The following UPP2 variants were observed in gnomAD, a reference collection of about 807,000 sequenced individuals.
UPP2 encodes the protein UPase 2.
A neutral mutation model predicts 26.7 loss-of-function variants in UPP2; 23 were observed. That is an observed-to-expected ratio of 0.86 (90% CI 0.62 to 1.22). UPP2 has a LOEUF of 1.22. Ranked by LOEUF, UPP2 falls within the 50% of genes most tolerant of loss-of-function variation. UPP2 has a pLI of 0.00. For synonymous variants in UPP2, 127 were observed against 141.3 expected (o/e 0.90, Z 0.72); for missense variants, 387 against 396.7 (o/e 0.98, Z 0.21).
intron 3 of UPP2, among the ~76,000 whole-genome samples, chr2:158,095,917 T>C (rs1024322709): frequency 2.0e-5 from 3 of 152,212 alleles, no homozygotes; most frequent in African/African-American, 7.2e-5. Context: ...TTATTTCCAA[T>C]GAAATAGCTT....
intron 3 of UPP2, among the ~76,000 whole-genome samples, chr2:158,044,065 G>A (rs1238533563): frequency 6.6e-6 from 1 of 152,152 alleles, no homozygotes; most frequent in African/African-American, 2.4e-5. Context: ...ATCCAAAGAT[G>A]AGATATAATT....
In UPP2 at chr2:158,115,180, C is replaced by T. The variant is rs372810681; in HGVS notation, c.260C>T (p.Ala87Val). 1 of 1,613,192 alleles carries T rather than the reference C, an allele frequency of 6.2e-7. No homozygotes were observed. The highest frequency in any genetic ancestry group is 8.5e-7 in the Non-Finnish European group (1 of 1,179,778). Residue 87 changes from alanine to valine, a missense_variant, in exon 3 of 7, where the codon GCT becomes GTT. Coordinates refer to ENST00000005756, the MANE Select transcript of UPP2 (RefSeq NM_173355.4). The part of the protein sequence containing the change: ...FMHKELGFEE[A>V]EEDIKDICAG... ...CACAAGGAGCTCGGGTTTGAGGAAG[C>T]TGAAGAAGACATAAAAGACATCTGT...
At chr2:158,051,969 TCCTAACCCATGAGG>T (rs1297333284) in intron 3 of UPP2, among the ~76,000 whole-genome samples, 1 of 152,160 alleles carries the variant, frequency 6.6e-6, no homozygotes, top group Admixed American at 6.5e-5. Flanking sequence ...ATGCTGTCTG[TCCTAACCCATGAGG>T]CCTTCCCAGT....
intron 6 of UPP2, among the ~76,000 whole-genome samples, chr2:158,130,967 C>T (rs192158698): frequency 1.4e-4 from 22 of 152,266 alleles, no homozygotes; most frequent in Admixed American, 1.3e-3. Context: ...CATTGACCAG[C>T]CCCTTTGAAT....
At chr2:158,062,769 A>G (rs2105180069) in intron 3 of UPP2, among the ~76,000 whole-genome samples, 1 of 152,276 alleles carries the variant, frequency 6.6e-6, no homozygotes, top group Non-Finnish European at 1.5e-5. Flanking sequence ...AGGACTATCC[A>G]ATGGATGAGG....
At chr2:158,025,265 G>A (rs1222375391) in intron 3 of UPP2, among the ~76,000 whole-genome samples, 2 of 151,892 alleles carry the variant, frequency 1.3e-5, no homozygotes, top group African/African-American at 4.8e-5. Context: ...GGGTGTGGGT[G>A]TGGAAATGCT....
intron 2 of UPP2, among the ~76,000 whole-genome samples, chr2:158,001,564 C>G (rs904211477): frequency 3.3e-5 from 5 of 152,170 alleles, no homozygotes; most frequent in African/African-American, 1.2e-4. Context: ...CCCAATAGGT[C>G]AGCCTCCTAC....
chr2:158,052,872 C>T (rs1056999449), intron 3 of UPP2, among the ~76,000 whole-genome samples: 13 of 152,096 alleles, frequency 8.5e-5, no homozygotes, highest in East Asian at 1.9e-4. Context: ...CTGAAAACAG[C>T]GACAAACAAT....
intron 3 of UPP2, among the ~76,000 whole-genome samples, chr2:158,078,123 C>A (rs1462093040): frequency 6.6e-6 from 1 of 152,044 alleles, no homozygotes; most frequent in African/African-American, 2.4e-5. Context: ...ATTCAAATGA[C>A]AGCTAATAAC....
upstream of UPP2, among the ~76,000 whole-genome samples, chr2:158,100,333 A>G (rs527997012): frequency 8.8e-4 from 134 of 152,326 alleles, no homozygotes; most frequent in African/African-American, 3.0e-3. Flanking sequence ...CTGAATCTGC[A>G]CCGGAAACAG....
intron 3 of UPP2, among the ~76,000 whole-genome samples, chr2:158,049,186 C>A (rs1682105534): frequency 6.6e-6 from 1 of 152,200 alleles, no homozygotes. Context: ...CCATGTCTAA[C>A]TTCTCCAGAT....
intron 3 of UPP2, among the ~76,000 whole-genome samples, chr2:158,078,881 A>G (rs1185123932): frequency 6.6e-6 from 1 of 152,060 alleles, no homozygotes; most frequent in Non-Finnish European, 1.5e-5. Context: ...AAAGTATCTC[A>G]TGTACCCTGA....
rs771679493 is a variant in UPP2, at chr2:158,121,465, C to G, written c.511C>G (p.Pro171Ala). The G allele has an allele frequency of 9.9e-6, 16 of 1,613,440 alleles. 1 individual carries two copies. The South Asian group carries it at 1.6e-4, about 17-fold the overall frequency. The change falls in exon 5 of 7, where the codon CCC becomes GCC. Residue 171 changes from proline to alanine, a missense_variant. By Grantham distance (27) the Pro-to-Ala change is conservative. Transcript: ENST00000005756. ...TATAGCTGTAGACTCCTTCTTTAAG[C>G]CCCGGTTTGAACAGGTCATTTTGGA... The part of the protein sequence containing the change: ...TDIAVDSFFK[P>A]RFEQVILDNI...
chr2:158,101,801 T>C (rs901379199), upstream of UPP2: 2 of 1,195,678 alleles, frequency 1.7e-6, no homozygotes, highest in African/African-American at 3.2e-5. Flanking sequence ...AGGGGGCCTA[T>C]CTTCTTGAGG....
intron 6 of UPP2, among the ~76,000 whole-genome samples, chr2:158,130,230 C>G (rs997958877): frequency 6.6e-6 from 1 of 152,070 alleles, no homozygotes; most frequent in African/African-American, 2.4e-5. Context: ...ATCACGAAGT[C>G]AGGAGATCGA....
chr2:158,128,989 C>T (rs977382865), intron 6 of UPP2, among the ~76,000 whole-genome samples: 4 of 152,094 alleles, frequency 2.6e-5, no homozygotes, highest in Non-Finnish European at 4.4e-5. Flanking sequence ...ATTACTTTTA[C>T]AGGGACAAGA....
chr2:158,134,968 T>G lies in UPP2; in HGVS notation c.*78T>G. On this transcript the variant is annotated 3_prime_UTR_variant, in exon 7 of 7. Coordinates refer to ENST00000005756, the MANE Select transcript of UPP2 (RefSeq NM_173355.4). ...TAATGTGAAAGTCATATTTTATTTG[T>G]GGCATTTTTATATAGTTCTCATCCA... is the stretch of plus-strand genomic sequence containing the variant. The G allele has an allele frequency of 6.7e-7, 1 of 1,487,224 alleles. No individual in the cohort carries two copies. The highest frequency in any genetic ancestry group is 9.0e-7 in the Non-Finnish European group (1 of 1,113,366). The allele number at this position is 1,487,224 out of a possible 1,614,324, so 92.1% of individuals were successfully genotyped here. A position where few individuals can be genotyped will look rare whatever the true frequency, so the allele number is the denominator to read the frequency against.
chr2:158,037,389 G>GA (rs1030614952), intron 3 of UPP2, among the ~76,000 whole-genome samples: 2 of 151,858 alleles, frequency 1.3e-5, no homozygotes, highest in South Asian at 2.1e-4. Context: ...AAAGAAAAAA[G>GA]AAAAAAATCC....
Position 158,131,067 on chromosome 2 carries a change from T to A in UPP2, c.812-3681T>A, listed in dbSNP as rs560534850. On this transcript the variant is annotated intron_variant, in intron 6 of 6. Transcript: ENST00000005756. The stretch of plus-strand genomic sequence containing the variant: ...ATACAGGAAGTGCAAAGACTCTGGG[T>A]TGTTGATTAAAAAACATTTCCTGTG... Among the ~76,000 whole-genome samples, 3 of 152,320 alleles carry A rather than the reference T, an allele frequency of 2.0e-5. No homozygotes were observed. The East Asian group carries it at 5.8e-4, about 29-fold the overall frequency.
Sources: allele counts gnomAD v4.1 joint callset (sites outside exome capture counted in the v4.1 genomes callset), GRCh38; gene constraint gnomAD v4.1.1; transcripts MANE v1.5; gene names NCBI Gene and HGNC (gene_info 2026-07-23, HGNC 2026-07-21).